The following FER variants were observed in gnomAD, a reference collection of about 807,000 sequenced individuals.
The protein encoded by FER is tyrosine-protein kinase Fer.
FER carries 63 observed loss-of-function variants against 111.0 expected under a neutral mutation model. The ratio of observed to expected loss-of-function variants is 0.57; its 90% CI spans 0.46 to 0.70. The LOEUF (loss-of-function observed/expected upper bound fraction) is 0.70. Ranked by LOEUF, FER falls within the 30% of genes least tolerant of loss-of-function variation. FER has a pLI of 0.00. For synonymous variants in FER, 327 were observed against 313.9 expected, an observed-to-expected ratio of 1.04 and a Z score of -0.44; for missense variants, 914 against 954.0, an observed-to-expected ratio of 0.96 and a Z score of 0.55.
At chr5:109,148,171 C>G (rs1234072160) in intron 17 of FER, among the ~76,000 whole-genome samples, 1 of 151,954 alleles carries the variant, frequency 6.6e-6, no homozygotes, top group African/African-American at 2.4e-5. Context: ...CTCCAACTCT[C>G]CAGTGAATAA....
intron 13 of FER, among the ~76,000 whole-genome samples, chr5:108,978,758 C>T (rs1033918749): frequency 1.3e-5 from 2 of 152,048 alleles, no homozygotes; most frequent in African/African-American, 4.8e-5. Context: ...AAGCCCAAAA[C>T]GATCTAGGCA....
At chr5:109,021,209 T>G (rs536588635) in intron 13 of FER, among the ~76,000 whole-genome samples, 1 of 152,110 alleles carries the variant, frequency 6.6e-6, no homozygotes, top group South Asian at 2.1e-4. Flanking sequence ...ATTAATAAAT[T>G]TAGATTTTAG....
chr5:108,813,113 A>T (rs751757756), intron 3 of FER, among the ~76,000 whole-genome samples: 18 of 151,534 alleles, frequency 1.2e-4, no homozygotes, highest in African/African-American at 4.1e-4. Context: ...ATTGAAAAAA[A>T]TTTTTTTTTA....
At position 108,850,203 on chromosome 5, in the gene FER, A is replaced by G. The variant is rs1272801851; in HGVS notation, c.481+14396A>G. ...AGCAAGACTCCGTCTCAAAAAAAAA[A>G]AAAATCATATTATTAGTGCCTTTTT... is the stretch of plus-strand genomic sequence containing the variant. On this transcript the variant is annotated intron_variant, in intron 5 of 19. Coordinates refer to ENST00000281092, the MANE Select transcript of FER (RefSeq NM_005246.4). Among the ~76,000 whole-genome samples the G allele has an allele frequency of 2.6e-5, 4 of 152,070 alleles. No individual in the cohort carries two copies. The East Asian group carries it at 7.7e-4, about 29-fold the overall frequency.
At chr5:108,814,991 A>C (rs1758136322) in intron 3 of FER, among the ~76,000 whole-genome samples, 1 of 152,008 alleles carries the variant, frequency 6.6e-6, no homozygotes, top group Non-Finnish European at 1.5e-5. Context: ...GCACTTGTTT[A>C]CTTTTTGGCA....
At chr5:109,084,843 T>G (rs1047939067) in intron 16 of FER, among the ~76,000 whole-genome samples, 10 of 151,950 alleles carry the variant, frequency 6.6e-5, no homozygotes, top group African/African-American at 2.4e-4. Context: ...CTATCAATTC[T>G]TTAAAAGACT....
intron 16 of FER, among the ~76,000 whole-genome samples, chr5:109,060,448 G>A (rs577922772): frequency 6.6e-6 from 1 of 152,174 alleles, no homozygotes; most frequent in South Asian, 2.1e-4. Flanking sequence ...TACTTTGGGA[G>A]GCTGAGGCGG....
chr5:108,948,643 T>C (rs1008852277), intron 11 of FER, among the ~76,000 whole-genome samples: 6 of 152,106 alleles, frequency 3.9e-5, no homozygotes, highest in African/African-American at 1.4e-4. Context: ...CCATTCCAAT[T>C]GAAAGTCTTT....
At chr5:109,181,292 C>A (rs1562000105) in intron 18 of FER, among the ~76,000 whole-genome samples, 1 of 152,106 alleles carries the variant, frequency 6.6e-6, no homozygotes, top group Non-Finnish European at 1.5e-5. Context: ...TCAATCAGTT[C>A]TTTAGTTTCT....
intron 13 of FER, among the ~76,000 whole-genome samples, chr5:109,026,186 T>C (rs1768707548): frequency 6.6e-6 from 1 of 152,296 alleles, no homozygotes; most frequent in South Asian, 2.1e-4. Context: ...ATTAAAATCC[T>C]TTCTAGAATG....
intron 17 of FER, among the ~76,000 whole-genome samples, chr5:109,147,974 G>A (rs1430601256): frequency 6.6e-6 from 1 of 151,724 alleles, no homozygotes; most frequent in Non-Finnish European, 1.5e-5. Context: ...ACTCAAAAAT[G>A]TATTTATTTT....
rs188516386 is a variant in FER, at chr5:108,776,309, A to T, written c.-60+8071A>T. ...GTAGTATAGTTGAATCTCTATATCA[A>T]TGTTAAAATAAATAAATGAATATTT... On this transcript the variant is annotated intron_variant, in intron 2 of 19. Transcript: ENST00000281092. Among the ~76,000 whole-genome samples, 205 of 152,248 alleles carry T rather than the reference A, an allele frequency of 1.3e-3. 1 individual carries two copies. Among genetic ancestry groups the T allele is most frequent in the African/African-American group, 4.5e-3 (189 of 41,578 alleles).
At chr5:109,078,245 C>G (rs928647315) in intron 16 of FER, among the ~76,000 whole-genome samples, 1 of 152,118 alleles carries the variant, frequency 6.6e-6, no homozygotes, top group African/African-American at 2.4e-5. Flanking sequence ...AAGGATACGT[C>G]CATGGAATCT....
At chr5:109,093,311 T>A (rs1181826035) in intron 16 of FER, among the ~76,000 whole-genome samples, 1 of 152,202 alleles carries the variant, frequency 6.6e-6, no homozygotes, top group Non-Finnish European at 1.5e-5. Flanking sequence ...TATTCAGACT[T>A]GTTTTAATAC....
At chr5:109,170,926 G>A (rs989337669) in intron 17 of FER, among the ~76,000 whole-genome samples, 11 of 152,110 alleles carry the variant, frequency 7.2e-5, no homozygotes, top group South Asian at 2.1e-4. Context: ...TATACAGGAC[G>A]TTAGAGTTGA....
intron 16 of FER, 140 bp downstream of exon 16, chr5:109,047,338 A>G: frequency 1.9e-6 from 1 of 524,066 alleles, no homozygotes; most frequent in Non-Finnish European, 3.4e-6. Context: ...AAGAGTCTGT[A>G]CCTATAGTCA....
chr5:109,146,266 ATATATATATAT>A (rs1754170925), intron 17 of FER, among the ~76,000 whole-genome samples: 1 of 88,202 alleles, frequency 1.1e-5, no homozygotes, highest in East Asian at 2.5e-4. Flanking sequence ...ATATATATAT[ATATATATATAT>A]ATATATATAT....
intron 17 of FER, among the ~76,000 whole-genome samples, chr5:109,136,179 C>T (rs1047880299): frequency 6.6e-6 from 1 of 151,706 alleles, no homozygotes; most frequent in African/African-American, 2.4e-5. Context: ...TCACTTGAAC[C>T]CTACTTGGGA....
At chr5:108,777,103 G>A (rs908934746) in intron 2 of FER, among the ~76,000 whole-genome samples, 5 of 152,182 alleles carry the variant, frequency 3.3e-5, no homozygotes, top group African/African-American at 1.2e-4. Context: ...CTTGAGGCCA[G>A]AAGTTGGAGA....
Sources: gnomAD v4.1 joint callset for allele counts (sites outside exome capture counted in the v4.1 genomes callset) on GRCh38, gnomAD v4.1.1 for gene constraint, MANE v1.5 for transcripts, NCBI Gene and HGNC (gene_info 2026-07-23, HGNC 2026-07-21) for gene names.